STAG1: variants seen among roughly 807,000 people sequenced by gnomAD.
STAG1 encodes the protein cohesin subunit SA-1.
A neutral mutation model predicts 170.9 loss-of-function variants in STAG1; 26 were observed. That is an observed-to-expected ratio of 0.15 (90% confidence interval 0.11 to 0.21). The LOEUF (loss-of-function observed/expected upper bound fraction) is 0.21. Among genes scored for constraint, STAG1 ranks in the 10% least tolerant of loss-of-function variants. The pLI is 1.00. For missense variants in STAG1, 964 were observed against 1,509.5 expected, an observed-to-expected ratio of 0.64 and a Z score of 5.99; for synonymous variants, 514 against 497.7, an observed-to-expected ratio of 1.03 and a Z score of -0.44.
intron 25 of STAG1, 106 bp downstream of exon 25, chr3:136,366,837 T>A: frequency 1.1e-6 from 1 of 869,580 alleles, no homozygotes; most frequent in Non-Finnish European, 1.7e-6. Flanking sequence ...ATCATCCACA[T>A]TACATAGGTG....
chr3:136,485,815 A>C (rs2089998430), intron 9 of STAG1, among the ~76,000 whole-genome samples: 1 of 152,156 alleles, frequency 6.6e-6, no homozygotes, highest in Non-Finnish European at 1.5e-5. Context: ...CATATTTTGC[A>C]ATTTATGCAT....
intron 4 of STAG1, among the ~76,000 whole-genome samples, chr3:136,603,182 T>G (rs1423388177): frequency 6.6e-6 from 1 of 152,090 alleles, no homozygotes; most frequent in African/African-American, 2.4e-5. Context: ...GTAATTCCGT[T>G]TCACAATTAC....
At chr3:136,626,382 G>A (rs972885419) in intron 2 of STAG1, among the ~76,000 whole-genome samples, 25 of 142,838 alleles carry the variant, frequency 1.8e-4, no homozygotes, top group Non-Finnish European at 3.0e-4. Flanking sequence ...CCAAGATCAC[G>A]CCACTGCACT....
At chr3:136,338,544 A>G (rs1249584771) in intron 32 of STAG1, 94 bp from the exon 33 acceptor site, 1 of 863,866 alleles carries the variant, frequency 1.2e-6, no homozygotes, top group Non-Finnish European at 1.9e-6. Context: ...TATCATAAAT[A>G]TATGGAACTG....
At chr3:136,469,871 A>G (rs889321016) in intron 12 of STAG1, among the ~76,000 whole-genome samples, 3 of 152,116 alleles carry the variant, frequency 2.0e-5, no homozygotes, top group African/African-American at 7.2e-5. Flanking sequence ...CCTGACAAAA[A>G]CAAGCAATGG....
intron 1 of STAG1, among the ~76,000 whole-genome samples, chr3:136,748,457 C>T (rs902091556): frequency 1.3e-5 from 2 of 151,790 alleles, no homozygotes; most frequent in Non-Finnish European, 2.9e-5. Context: ...AGTGCAGTGG[C>T]GTGATCCCAG....
chr3:136,514,006 CAAAG>C (rs1934215631), intron 7 of STAG1, among the ~76,000 whole-genome samples: 1 of 152,002 alleles, frequency 6.6e-6, no homozygotes, highest in South Asian at 2.1e-4. Flanking sequence ...GTACACATGA[CAAAG>C]AAACTTAAAA....
At chr3:136,530,553 A>C (rs568815005) in intron 6 of STAG1, among the ~76,000 whole-genome samples, 70 of 152,160 alleles carry the variant, frequency 4.6e-4, no homozygotes, top group Non-Finnish European at 7.8e-4. Context: ...AAAAATCAAA[A>C]TCATATGAAA....
At chr3:136,522,065 A>G (rs1225722299) in intron 6 of STAG1, among the ~76,000 whole-genome samples, 4 of 152,350 alleles carry the variant, frequency 2.6e-5, no homozygotes, top group African/African-American at 7.2e-5. Context: ...GTACAACCCA[A>G]TTGGTTAGAG....
At chr3:136,543,779 A>T (rs1214825423) in intron 5 of STAG1, among the ~76,000 whole-genome samples, 13 of 152,238 alleles carry the variant, frequency 8.5e-5, no homozygotes, top group Admixed American at 7.2e-4. Context: ...CATGGGAAAC[A>T]TTCAAACAAA....
chr3:136,467,726 A>G lies in STAG1; in HGVS notation c.1206-2738T>C, dbSNP rs1315084227. Among the ~76,000 whole-genome samples, 3 of 152,104 alleles carry G rather than the reference A, an allele frequency of 2.0e-5. No individual in the cohort carries two copies. The East Asian group carries it at 5.8e-4, about 29-fold the overall frequency. ...TATACATTCTTCTCAGCACCACATC[A>G]CACTTATTCCAAAATTGACCACATA... is the stretch of plus-strand genomic sequence containing the variant. On this transcript the variant is annotated intron_variant, in intron 12 of 33. Coordinates refer to ENST00000383202, the MANE Select transcript of STAG1 (RefSeq NM_005862.3).
rs772603325 is a variant in STAG1 at position 136,417,838 on chromosome 3, A to G, written c.2196+47T>C. 20 of 1,490,076 alleles carry G rather than the reference A, an allele frequency of 1.3e-5. 1 individual carries two copies. The highest frequency in any genetic ancestry group is 4.7e-6 in the Non-Finnish European group (5 of 1,068,626). 92.3% of individuals were successfully genotyped at this position (1,490,076 alleles called of 1,614,324 possible). A position where few individuals can be genotyped will look rare whatever the true frequency, so the allele number is the denominator to read the frequency against. ...TTCTGATAATCATATGACTTCAGAA[A>G]AACAACTTTCTAGAGTCATACAGAA... On this transcript the variant is annotated intron_variant, in intron 21 of 33. Transcript: ENST00000383202.
At chr3:136,411,326 TA>T (rs1488750194) in intron 21 of STAG1, among the ~76,000 whole-genome samples, 1 of 149,372 alleles carries the variant, frequency 6.7e-6, no homozygotes, top group African/African-American at 2.6e-5. Context: ...ATGAAAAAAA[TA>T]AAAAATAAAA....
At chr3:136,511,328 C>A (rs1324242370) in intron 7 of STAG1, among the ~76,000 whole-genome samples, 1 of 152,178 alleles carries the variant, frequency 6.6e-6, no homozygotes, top group Non-Finnish European at 1.5e-5. Flanking sequence ...ATCATTCTAT[C>A]ATAAAGACAC....
intron 5 of STAG1, among the ~76,000 whole-genome samples, chr3:136,553,963 C>A (rs7612160): frequency 0.38 from 56,997 of 151,682 alleles, 11,841 homozygotes; most frequent in African/African-American, 0.56. Flanking sequence ...AACTAAAAGA[C>A]AGACTGAATT....
intron 1 of STAG1, among the ~76,000 whole-genome samples, chr3:136,678,481 C>T (rs970583710): frequency 1.3e-5 from 2 of 148,880 alleles, no homozygotes; most frequent in African/African-American, 2.5e-5. Flanking sequence ...AGTAGATTCC[C>T]TTATGTTATC....
intron 5 of STAG1, among the ~76,000 whole-genome samples, chr3:136,555,617 G>A (rs1936581925): frequency 1.3e-5 from 2 of 152,086 alleles, no homozygotes; most frequent in South Asian, 4.1e-4. Flanking sequence ...CCAGGAGGCG[G>A]GGGTTGCAGT....
At chr3:136,396,215 T>TG (rs1553801040) in intron 22 of STAG1, among the ~76,000 whole-genome samples, 4 of 143,720 alleles carry the variant, frequency 2.8e-5, no homozygotes, top group Non-Finnish European at 4.6e-5. Context: ...CACAGTTTTT[T>TG]TTTTTTTTTT....
chr3:136,489,153 T>G (rs2090073941), intron 9 of STAG1, among the ~76,000 whole-genome samples: 1 of 152,246 alleles, frequency 6.6e-6, no homozygotes, highest in African/African-American at 2.4e-5. Flanking sequence ...GCAATTCTAT[T>G]AATCCTTTGT....
Sources: gnomAD v4.1 joint callset for allele counts (sites outside exome capture counted in the v4.1 genomes callset) on GRCh38, gnomAD v4.1.1 for gene constraint, MANE v1.5 for transcripts, NCBI Gene and HGNC (gene_info 2026-07-23, HGNC 2026-07-21) for gene names.